The following IL1RAPL1 variants were observed in gnomAD, a reference collection of about 807,000 sequenced individuals.
IL1RAPL1 encodes the protein interleukin-1 receptor accessory protein-like 1.
Under a neutral mutation model 48.4 loss-of-function variants are expected in IL1RAPL1, and 3 were observed. That is an observed-to-expected ratio of 0.06 (90% confidence interval 0.03 to 0.16). The LOEUF (loss-of-function observed/expected upper bound fraction) is 0.16, where lower values mean the gene tolerates loss of function less well. Among genes scored for constraint, IL1RAPL1 ranks in the 10% least tolerant of loss-of-function variants. The pLI is 1.00. For synonymous variants in IL1RAPL1, 185 were observed against 187.7 expected (o/e 0.99, Z 0.12); for missense variants, 349 against 530.6 (o/e 0.66, Z 3.36).
intron 1 of IL1RAPL1, among the ~76,000 whole-genome samples, chrX:28,709,526 G>GA (rs1186645310): frequency 4.6e-5 from 5 of 109,017 alleles, no homozygotes; most frequent in Admixed American, 9.9e-5. Context: ...ATCAGAACAG[G>GA]AAAAAAAAAT....
chrX:28,741,047 T>C (rs1935901106), intron 1 of IL1RAPL1, among the ~76,000 whole-genome samples: 1 of 112,031 alleles, frequency 8.9e-6, no homozygotes, highest in East Asian at 2.8e-4. Flanking sequence ...TTTTTTCTTT[T>C]GGATACACAT....
chrX:29,164,463 C>T (rs1233855982), intron 2 of IL1RAPL1, among the ~76,000 whole-genome samples: 1 of 111,715 alleles, frequency 9.0e-6, no homozygotes, highest in Non-Finnish European at 1.9e-5. Context: ...GTTGACTTAG[C>T]CCTTAGAATG....
At chrX:29,842,399 A>G (rs866949135) in intron 6 of IL1RAPL1, among the ~76,000 whole-genome samples, 3 of 111,744 alleles carry the variant, frequency 2.7e-5, no homozygotes, top group Non-Finnish European at 3.8e-5. Flanking sequence ...AGGCTGTGGA[A>G]ATTTCAAGAA....
At chrX:29,813,710 A>G (rs1363451395) in intron 6 of IL1RAPL1, among the ~76,000 whole-genome samples, 2 of 111,020 alleles carry the variant, frequency 1.8e-5, no homozygotes, top group Non-Finnish European at 3.8e-5. Flanking sequence ...CATAGTACCC[A>G]ATACGTAGTT....
intron 2 of IL1RAPL1, among the ~76,000 whole-genome samples, chrX:28,849,681 A>G (rs186872224): frequency 8.9e-6 from 1 of 111,894 alleles, no homozygotes; most frequent in East Asian, 2.8e-4. Flanking sequence ...CCTTTTGACA[A>G]TCTGCAGTAT....
intron 5 of IL1RAPL1, among the ~76,000 whole-genome samples, chrX:29,487,294 T>G (rs751544327): frequency 2.7e-5 from 3 of 112,003 alleles, no homozygotes; most frequent in Non-Finnish European, 5.6e-5. Flanking sequence ...GCAATTGTTT[T>G]GTTGAGTTTT....
intron 5 of IL1RAPL1, among the ~76,000 whole-genome samples, chrX:29,565,074 C>T (rs756103213): frequency 1.8e-5 from 2 of 111,689 alleles, no homozygotes; most frequent in Non-Finnish European, 3.8e-5. Context: ...CCTCATGCAT[C>T]CCTCTTTTCA....
chrX:29,092,108 G>T (rs1928104193), intron 2 of IL1RAPL1, among the ~76,000 whole-genome samples: 1 of 110,835 alleles, frequency 9.0e-6, no homozygotes, highest in Non-Finnish European at 1.9e-5. Flanking sequence ...TCATCAATTT[G>T]ATCACTTGCT....
At chrX:29,523,687 C>T (rs1469004127) in intron 5 of IL1RAPL1, among the ~76,000 whole-genome samples, 1 of 110,989 alleles carries the variant, frequency 9.0e-6, no homozygotes, top group Non-Finnish European at 1.9e-5. Context: ...ACGTTTGAAT[C>T]CAAGTTTTAA....
intron 6 of IL1RAPL1, among the ~76,000 whole-genome samples, chrX:29,881,825 T>C: frequency 8.9e-6 from 1 of 111,834 alleles, no homozygotes. Context: ...TCTTTTCTTA[T>C]ATGTACAGTA....
chrX:29,420,802 A>C (rs942398506), intron 5 of IL1RAPL1, among the ~76,000 whole-genome samples: 1 of 112,458 alleles, frequency 8.9e-6, no homozygotes, highest in Non-Finnish European at 1.9e-5. Context: ...CTTAGTAATT[A>C]TTTGAGAGCT....
intron 2 of IL1RAPL1, among the ~76,000 whole-genome samples, chrX:28,869,573 GA>G (rs1212692539): frequency 4.5e-5 from 5 of 111,483 alleles, no homozygotes; most frequent in African/African-American, 1.6e-4. Flanking sequence ...AGTAGAAAAT[GA>G]AAAAAATTTA....
intron 5 of IL1RAPL1, among the ~76,000 whole-genome samples, chrX:29,645,496 A>G (rs112856908): frequency 9.1e-5 from 10 of 109,958 alleles, no homozygotes; most frequent in African/African-American, 3.4e-4. Context: ...CTACAATGAA[A>G]TCTAGCATCA....
chrX:29,950,261 T>G (rs1211109179), intron 9 of IL1RAPL1, among the ~76,000 whole-genome samples: 1 of 112,571 alleles, frequency 8.9e-6, no homozygotes, highest in Non-Finnish European at 1.9e-5. Flanking sequence ...TTTCATATAT[T>G]AGTCTAGGCA....
At chrX:29,446,842 A>G (rs369466800) in intron 5 of IL1RAPL1, among the ~76,000 whole-genome samples, 1 of 111,344 alleles carries the variant, frequency 9.0e-6, no homozygotes, top group African/African-American at 3.3e-5. Context: ...TGCTGAAGAC[A>G]ACTTGTATCA....
In IL1RAPL1 at chrX:29,180,702, G is replaced by A. The variant is rs1422352066; in HGVS notation, c.83-102236G>A. ...AGAAACTCAATTATTTTTGTTTTTT[G>A]AAAAAATAGTGGAACCTCCATTAGG... On this transcript the variant is annotated intron_variant, in intron 2 of 10. Transcript: ENST00000378993. Among the ~76,000 whole-genome samples, 5 of 111,175 alleles carry A rather than the reference G, an allele frequency of 4.5e-5. No individual in the cohort carries two copies. The East Asian group carries it at 1.4e-3, about 31-fold the overall frequency.
At chrX:28,668,050 G>A (rs960204325) in intron 1 of IL1RAPL1, among the ~76,000 whole-genome samples, 3 of 111,711 alleles carry the variant, frequency 2.7e-5, no homozygotes, top group Non-Finnish European at 5.6e-5. Flanking sequence ...GCAATTAGGC[G>A]GTGCTTGGAG....
chrX:29,877,823 T>C (rs1356805992), intron 6 of IL1RAPL1, among the ~76,000 whole-genome samples: 2 of 111,703 alleles, frequency 1.8e-5, no homozygotes, highest in African/African-American at 6.5e-5. Flanking sequence ...AGCATTCCCA[T>C]GCTTTAGAAT....
In IL1RAPL1 at chrX:28,965,629, A is replaced by G. The variant is rs576011976; in HGVS notation, c.82+176204A>G. Among the ~76,000 whole-genome samples, 19 of 111,662 alleles carry G rather than the reference A, an allele frequency of 1.7e-4. No homozygotes were observed. The South Asian group carries it at 4.8e-3, about 28-fold the overall frequency. ...TTTTAAATCCTCTAGTTCTTTGCCT[A>G]TAAGATTGGCATTGATTTCAGCGTA... On this transcript the variant is annotated intron_variant, in intron 2 of 10. Transcript: ENST00000378993.
Sources: gnomAD v4.1 joint callset for allele counts (sites outside exome capture counted in the v4.1 genomes callset) on GRCh38, gnomAD v4.1.1 for gene constraint, MANE v1.5 for transcripts, NCBI Gene and HGNC (gene_info 2026-07-23, HGNC 2026-07-21) for gene names.